The following FKBP6 variants were observed in gnomAD, a reference collection of about 807,000 sequenced individuals.
FKBP6 encodes inactive peptidyl-prolyl cis-trans isomerase FKBP6.
A neutral mutation model predicts 41.7 loss-of-function variants in FKBP6; 29 were observed. The ratio of observed to expected loss-of-function variants is 0.70; its 90% CI spans 0.52 to 0.95. The LOEUF (loss-of-function observed/expected upper bound fraction) is 0.95. Ranked by LOEUF, FKBP6 falls within the 40% of genes least tolerant of loss-of-function variation. The pLI is 0.00. For missense variants in FKBP6, 338 were observed against 408.7 expected, an observed-to-expected ratio of 0.83 and a Z score of 1.49; for synonymous variants, 130 against 165.1, an observed-to-expected ratio of 0.79 and a Z score of 1.63.
chr7:73,357,230 T>C (rs1165167775), intron 8 of FKBP6, among the ~76,000 whole-genome samples: 2 of 151,848 alleles, frequency 1.3e-5, no homozygotes, highest in African/African-American at 4.8e-5. Context: ...TTTTTTCTTA[T>C]CATGTTATGG....
In FKBP6 at chr7:73,341,380, T is replaced by C. The variant is rs1554549542; in HGVS notation, c.891T>C (p.Ala297=). ...TCAATAATGAGCTGAAGAAACTGGCTAGGTGAGCTGTGTTTGCAGGAGCAT... is the reference window on the plus strand; with the variant it reads ...TCAATAATGAGCTGAAGAAACTGGCCAGGTGAGCTGTGTTTGCAGGAGCAT... The part of the protein sequence containing the change: ...HDINNELKKL[A]SCYRDYVDKE... Residue 297 remains alanine, a splice_region_variant and synonymous_variant, in exon 7 of 9, where the codon GCT becomes GCC. Coordinates refer to ENST00000252037, the MANE Select transcript of FKBP6 (RefSeq NM_003602.5). 1 of 1,581,742 alleles carries C rather than the reference T, an allele frequency of 6.3e-7. No homozygotes were observed. Among genetic ancestry groups the C allele is most frequent in the Non-Finnish European group, 8.7e-7 (1 of 1,150,556 alleles).
At chr7:73,352,328 T>C (rs1805512821) in intron 8 of FKBP6, among the ~76,000 whole-genome samples, 1 of 152,218 alleles carries the variant, frequency 6.6e-6, no homozygotes, top group African/African-American at 2.4e-5. Context: ...CCGTCAGATA[T>C]CGGCTTAGTC....
rs781791648 is a variant in FKBP6 at position 73,331,647 on chromosome 7, T to A, written c.469-10T>A. The A allele has an allele frequency of 1.2e-6, 2 of 1,613,958 alleles. No individual in the cohort carries two copies. The highest frequency in any genetic ancestry group is 1.7e-6 in the Non-Finnish European group (2 of 1,179,884). ...TTTCCTTGCTGAATATTCCTGTCTC[T>A]GGTCCTCAGGAGCAGCAAGACCAAT... On this transcript the variant is annotated splice_polypyrimidine_tract_variant and intron_variant, in intron 4 of 8. Coordinates refer to ENST00000252037, the MANE Select transcript of FKBP6 (RefSeq NM_003602.5).
At chr7:73,328,852 A>G (rs1804729643) in intron 2 of FKBP6, among the ~76,000 whole-genome samples, 160 bp downstream of exon 2, 1 of 152,222 alleles carries the variant, frequency 6.6e-6, no homozygotes, top group African/African-American at 2.4e-5. Flanking sequence ...TCAGTTGCCC[A>G]GGCTGGAGTG....
At position 73,328,615 on chromosome 7, in the gene FKBP6, C is replaced by T. The variant is rs782649816; in HGVS notation, c.98C>T (p.Ser33Leu). The T allele has an allele frequency of 1.2e-5, 19 of 1,610,046 alleles. No individual in the cohort carries two copies. The Admixed American group carries it at 2.5e-4, about 21-fold the overall frequency. The change falls in exon 2 of 9, where the codon TCG becomes TTG. Residue 33 changes from serine (S) to leucine (L), a missense_variant. Physicochemically the swap from Ser to Leu is moderately radical, Grantham distance 145. Coordinates refer to ENST00000252037, the MANE Select transcript of FKBP6 (RefSeq NM_003602.5). ...ERLSQRMLDI[S>L]GDRGVLKDVI... ...TTAAGTCAGAGGATGCTGGACATCTCGGGGGACCGGGGCGTGCTGAAGGAC... is the reference window on the plus strand; with the variant it reads ...TTAAGTCAGAGGATGCTGGACATCTTGGGGGACCGGGGCGTGCTGAAGGAC...
rs2115862494 is a variant in FKBP6 at position 73,335,930 on chromosome 7, AAAGTTTCTCC to A, written c.588+4155_588+4164del. ...GGTTTTGCACGTCTTTTCCTAGTGG[AAAGTTTCTCC>A]GTCTTTGGAGCAGCGGACTGACATT... On this transcript the variant is annotated intron_variant, in intron 5 of 8. Transcript: ENST00000252037. Among the ~76,000 whole-genome samples, 3 of 152,254 alleles carry A rather than the reference AAAGTTTCTCC, an allele frequency of 2.0e-5. No individual in the cohort carries two copies. The South Asian group carries it at 6.2e-4, about 32-fold the overall frequency.
At chr7:73,356,065 C>CA (rs71925165) in intron 8 of FKBP6, among the ~76,000 whole-genome samples, 1,185 of 32,128 alleles carry the variant, frequency 0.037, 194 homozygotes, top group Non-Finnish European at 0.059. Context: ...GACTCTGTCT[C>CA]AAAAAAAAAA....
intron 8 of FKBP6, among the ~76,000 whole-genome samples, chr7:73,357,281 T>C (rs1169337434): frequency 6.9e-6 from 1 of 145,104 alleles, no homozygotes; most frequent in Non-Finnish European, 1.5e-5. Context: ...TTTTTTTTTT[T>C]TTTTTTTTTT....
intron 4 of FKBP6, 110 bp downstream of exon 4, chr7:73,330,462 A>AC: frequency 1.2e-6 from 1 of 846,342 alleles, no homozygotes; most frequent in East Asian, 2.6e-5. Flanking sequence ...TCTCCAGGGT[A>AC]CCCCCGCGGC....
intron 8 of FKBP6, among the ~76,000 whole-genome samples, chr7:73,348,517 A>T (rs370895705): frequency 4.6e-5 from 7 of 152,190 alleles, no homozygotes; most frequent in African/African-American, 1.7e-4. Flanking sequence ...GACACCAGAC[A>T]TGTAGGGATT....
intron 8 of FKBP6, among the ~76,000 whole-genome samples, chr7:73,347,900 C>T (rs936283460): frequency 1.3e-5 from 2 of 152,204 alleles, no homozygotes; most frequent in Non-Finnish European, 2.9e-5. Flanking sequence ...CCTCCTTGGC[C>T]TTCCAGAGTG....
intron 5 of FKBP6, 129 bp downstream of exon 5, chr7:73,331,905 C>A (rs1364301628): frequency 2.0e-6 from 2 of 978,996 alleles, no homozygotes; most frequent in Non-Finnish European, 3.1e-6. Context: ...GCTCTGTCGC[C>A]CAGGCTGGAG....
intron 5 of FKBP6, among the ~76,000 whole-genome samples, chr7:73,338,231 G>C (rs998934540): frequency 6.6e-6 from 1 of 152,088 alleles, no homozygotes; most frequent in Admixed American, 6.5e-5. Context: ...TCACCATGTT[G>C]GCCAGGCTGG....
At chr7:73,348,704 C>T (rs892248613) in intron 8 of FKBP6, among the ~76,000 whole-genome samples, 13 of 152,184 alleles carry the variant, frequency 8.5e-5, no homozygotes, top group Non-Finnish European at 1.5e-4. Context: ...ACTGGTTATA[C>T]ATCAGAGGTT....
intron 3 of FKBP6, 93 bp downstream of exon 3, chr7:73,329,542 GTTCT>G: frequency 1.2e-6 from 1 of 841,974 alleles, no homozygotes; most frequent in Non-Finnish European, 2.1e-6. Flanking sequence ...CAGAGCGCAG[GTTCT>G]TTGAGTTGGC....
intron 5 of FKBP6, among the ~76,000 whole-genome samples, chr7:73,339,537 A>G (rs1805109229): frequency 6.6e-6 from 1 of 151,774 alleles, no homozygotes; most frequent in African/African-American, 2.4e-5. Flanking sequence ...TGAAATGGGA[A>G]ATATGAGTTC....
At chr7:73,328,860 G>A (rs1267330625) in intron 2 of FKBP6, among the ~76,000 whole-genome samples, 168 bp downstream of exon 2, 2 of 152,118 alleles carry the variant, frequency 1.3e-5, no homozygotes, top group African/African-American at 4.8e-5. Flanking sequence ...CCAGGCTGGA[G>A]TGCAGTGGTG....
At chr7:73,330,646 A>G (rs1321855626) in intron 4 of FKBP6, among the ~76,000 whole-genome samples, 1 of 152,328 alleles carries the variant, frequency 6.6e-6, no homozygotes, top group Middle Eastern at 3.4e-3. Context: ...GACAGTGAAC[A>G]CTTGCTTTTC....
At chr7:73,339,169 A>G (rs1805096423) in intron 5 of FKBP6, 2 of 152,168 alleles carry the variant, frequency 1.3e-5, no homozygotes, top group African/African-American at 2.4e-5. Flanking sequence ...TGTCTTTCCA[A>G]TTTTTAGTAT....
Sources: gnomAD v4.1 joint callset for allele counts (sites outside exome capture counted in the v4.1 genomes callset) on GRCh38, gnomAD v4.1.1 for gene constraint, MANE v1.5 for transcripts, NCBI Gene and HGNC (gene_info 2026-07-23, HGNC 2026-07-21) for gene names.